Variants in PPP2R2B observed in about 807,000 individuals in gnomAD.
The protein encoded by PPP2R2B is serine/threonine-protein phosphatase 2A 55 kDa regulatory subunit B beta isoform.
PPP2R2B carries 5 observed loss-of-function variants against 46.0 expected under a neutral mutation model. That is an observed-to-expected ratio of 0.11 (90% confidence interval 0.06 to 0.23). The LOEUF (loss-of-function observed/expected upper bound fraction) is 0.23, where lower values mean the gene tolerates loss of function less well. Among genes scored for constraint, PPP2R2B ranks in the 10% least tolerant of loss-of-function variants. The pLI, the probability that PPP2R2B is intolerant of heterozygous loss-of-function variation, is 1.00. For missense variants in PPP2R2B, 367 were observed against 575.0 expected, an observed-to-expected ratio of 0.64 and a Z score of 3.70; for synonymous variants, 215 against 206.7, an observed-to-expected ratio of 1.04 and a Z score of -0.34.
intron 5 of PPP2R2B, among the ~76,000 whole-genome samples, chr5:146,677,877 C>T (rs1777852027): frequency 6.6e-6 from 1 of 152,108 alleles, no homozygotes; most frequent in South Asian, 2.1e-4. Flanking sequence ...GATTACAAGC[C>T]CCATGAGAGC....
intron 6 of PPP2R2B, among the ~76,000 whole-genome samples, chr5:146,643,183 C>T (rs184195856): frequency 0.021 from 3,101 of 148,514 alleles, 60 homozygotes; most frequent in Admixed American, 0.064. Flanking sequence ...CACACACACA[C>T]GAGAGAGAGA....
intron 5 of PPP2R2B, among the ~76,000 whole-genome samples, chr5:146,672,103 G>C (rs1321941363): frequency 6.6e-6 from 1 of 152,216 alleles, no homozygotes; most frequent in African/African-American, 2.4e-5. Flanking sequence ...TGATCGACAA[G>C]TAAGAATGTG....
chr5:146,697,235 G>A (rs558843556), intron 4 of PPP2R2B, among the ~76,000 whole-genome samples: 1 of 152,224 alleles, frequency 6.6e-6, no homozygotes, highest in South Asian at 2.1e-4. Flanking sequence ...TATTCAATTA[G>A]CACCCTTTAA....
intron 2 of PPP2R2B, among the ~76,000 whole-genome samples, chr5:146,757,225 A>G (rs1055009063): frequency 7.2e-5 from 11 of 152,164 alleles, no homozygotes; most frequent in African/African-American, 2.7e-4. Context: ...GGAATGTGAC[A>G]GTTTTGTGCT....
intron 2 of PPP2R2B, among the ~76,000 whole-genome samples, chr5:146,782,328 T>C (rs1179401490): frequency 6.6e-6 from 1 of 152,234 alleles, no homozygotes; most frequent in African/African-American, 2.4e-5. Flanking sequence ...CTTAACATGT[T>C]GTTTCAAATA....
In PPP2R2B at chr5:146,930,122, G is replaced by A. The variant is rs184166194; in HGVS notation, c.79+125543C>T. Among the ~76,000 whole-genome samples, 209 of 152,238 alleles carry A rather than the reference G, an allele frequency of 1.4e-3. 2 individuals carry two copies. The highest frequency in any genetic ancestry group is 4.8e-3 in the African/African-American group (198 of 41,536). ...CACTATTATGAAGAAAATAAATCAG[G>A]GTTATGTGATAGAAAGAGTGGAATG... On this transcript the variant is annotated intron_variant, in intron 1 of 8. Coordinates refer to the PPP2R2B transcript ENST00000336640.
At chr5:146,888,094 T>A (rs2151426754) in intron 1 of PPP2R2B, among the ~76,000 whole-genome samples, 1 of 152,236 alleles carries the variant, frequency 6.6e-6, no homozygotes, top group African/African-American at 2.4e-5. Context: ...CAGGCTCACT[T>A]GGTAGCTCCT....
At chr5:146,798,029 A>G (rs539991939) in intron 2 of PPP2R2B, among the ~76,000 whole-genome samples, 4 of 151,394 alleles carry the variant, frequency 2.6e-5, no homozygotes, top group African/African-American at 7.3e-5. Context: ...TCCCATAACT[A>G]CTCCATCCGA....
At chr5:146,915,633 A>G (rs1763359307) in intron 1 of PPP2R2B, among the ~76,000 whole-genome samples, 1 of 152,184 alleles carries the variant, frequency 6.6e-6, no homozygotes, top group Non-Finnish European at 1.5e-5. Context: ...GCAGAGTTAG[A>G]GAAAGAAACA....
intron 1 of PPP2R2B, among the ~76,000 whole-genome samples, chr5:147,000,600 C>T (rs964799958): frequency 1.7e-5 from 2 of 116,672 alleles, no homozygotes; most frequent in Non-Finnish European, 3.6e-5. Context: ...AGTTCATGCT[C>T]ATATTGTGAA....
upstream of PPP2R2B, among the ~76,000 whole-genome samples, chr5:146,879,765 T>A (rs952216472): frequency 5.3e-5 from 8 of 152,122 alleles, no homozygotes; most frequent in Non-Finnish European, 7.3e-5. Context: ...GCAACCCAAA[T>A]CACTAGAAAG....
chr5:146,692,335 C>T (rs1778902325), intron 4 of PPP2R2B, among the ~76,000 whole-genome samples: 1 of 152,038 alleles, frequency 6.6e-6, no homozygotes, highest in Non-Finnish European at 1.5e-5. Context: ...CTTTGTACTG[C>T]CCCAGCACTT....
In PPP2R2B at chr5:146,972,942, A is replaced by AT. The variant is rs567984945; in HGVS notation, c.79+82722dup. ...ACTTTCACCCAGCTTACCATTTCTT[A>AT]TTTTTTCTGTTGTGTTTTTGCCATA... On this transcript the variant is annotated intron_variant, in intron 1 of 8. Coordinates refer to the PPP2R2B transcript ENST00000336640. Among the ~76,000 whole-genome samples, 285 of 151,904 alleles carry AT rather than the reference A, an allele frequency of 1.9e-3. 4 individuals are homozygous for AT. The highest frequency in any genetic ancestry group is 6.3e-3 in the African/African-American group (260 of 41,410).
intron 2 of PPP2R2B, among the ~76,000 whole-genome samples, chr5:146,730,546 CAT>C (rs1191642704): frequency 5.3e-5 from 8 of 152,130 alleles, no homozygotes; most frequent in Non-Finnish European, 1.2e-4. Context: ...AGAATTCCCA[CAT>C]GTTGTGGGAG....
At chr5:146,657,266 T>C (rs1776392730) in intron 5 of PPP2R2B, among the ~76,000 whole-genome samples, 1 of 152,078 alleles carries the variant, frequency 6.6e-6, no homozygotes, top group Non-Finnish European at 1.5e-5. Context: ...ACAACAGCTG[T>C]GTTTACCATG....
At chr5:147,062,102 C>T (rs757902380) in intron 2 of PPP2R2B, among the ~76,000 whole-genome samples, 6 of 152,160 alleles carry the variant, frequency 3.9e-5, no homozygotes, top group East Asian at 1.9e-4. Flanking sequence ...ATTATAATAC[C>T]GTATTTTTCC....
At chr5:146,622,295 G>T (rs930443388) in intron 7 of PPP2R2B, among the ~76,000 whole-genome samples, 1 of 152,168 alleles carries the variant, frequency 6.6e-6, no homozygotes, top group African/African-American at 2.4e-5. Context: ...TTGAGTGTTT[G>T]CTGTGGACCA....
intron 5 of PPP2R2B, among the ~76,000 whole-genome samples, chr5:146,683,515 T>C (rs960799381): frequency 5.9e-5 from 9 of 152,210 alleles, no homozygotes; most frequent in Non-Finnish European, 1.2e-4. Flanking sequence ...AGGTTTATCT[T>C]GAAGATTAAA....
intron 2 of PPP2R2B, among the ~76,000 whole-genome samples, chr5:146,709,686 AC>A (rs1286264851): frequency 5.9e-5 from 9 of 152,308 alleles, no homozygotes; most frequent in African/African-American, 1.9e-4. Flanking sequence ...CCATCATGTG[AC>A]CATGAGGTAA....
Sources: gnomAD v4.1 joint callset for allele counts (sites outside exome capture counted in the v4.1 genomes callset) on GRCh38, gnomAD v4.1.1 for gene constraint, MANE v1.5 for transcripts, NCBI Gene and HGNC (gene_info 2026-07-23, HGNC 2026-07-21) for gene names.